Variants in CACNB2 observed in about 807,000 individuals in gnomAD.
CACNB2 encodes calcium voltage-gated channel auxiliary subunit beta 2, also known as voltage-dependent L-type calcium channel subunit beta-2.
Under a neutral mutation model 73.3 loss-of-function variants are expected in CACNB2, and 42 were observed. The ratio of observed to expected loss-of-function variants is 0.57; its 90% confidence interval spans 0.45 to 0.74. The LOEUF is 0.74. Ranked by LOEUF, CACNB2 falls within the 30% of genes least tolerant of loss-of-function variation. CACNB2 has a pLI of 0.00. For missense variants in CACNB2, 940 were observed against 853.0 expected (o/e 1.10, Z -1.27); for synonymous variants, 348 against 310.3 (o/e 1.12, Z -1.28).
intron 9 of CACNB2, among the ~76,000 whole-genome samples, chr10:18,520,502 C>T (rs904370751): frequency 6.6e-6 from 1 of 152,176 alleles, no homozygotes; most frequent in East Asian, 1.9e-4. Context: ...TCCCTTAAAG[C>T]CTGTGCTCAG....
intron 3 of CACNB2, among the ~76,000 whole-genome samples, chr10:18,403,466 G>C (rs1022467880): frequency 6.6e-6 from 1 of 152,096 alleles, no homozygotes; most frequent in Non-Finnish European, 1.5e-5. Context: ...TTCTATTTGC[G>C]GCTAATTTAT....
chr10:18,268,249 A>T (rs945587807), intron 2 of CACNB2, among the ~76,000 whole-genome samples: 1 of 152,234 alleles, frequency 6.6e-6, no homozygotes, highest in Non-Finnish European at 1.5e-5. Flanking sequence ...CTCTTTGCCC[A>T]AGGCTATTCT....
intron 2 of CACNB2, among the ~76,000 whole-genome samples, chr10:18,383,808 C>T (rs534642969): frequency 1.4e-4 from 21 of 152,196 alleles, no homozygotes; most frequent in Admixed American, 4.6e-4. Flanking sequence ...CGGATTCAAG[C>T]GATTCTCCCG....
intron 2 of CACNB2, among the ~76,000 whole-genome samples, chr10:18,274,725 C>A (rs1185321368): frequency 2.0e-5 from 3 of 152,050 alleles, no homozygotes; most frequent in Non-Finnish European, 2.9e-5. Flanking sequence ...ATAGGATTTT[C>A]ATTTCTGAAC....
intron 3 of CACNB2, among the ~76,000 whole-genome samples, chr10:18,495,579 GTGTGTGTGTGTGTA>G (rs975417884): frequency 7.9e-6 from 1 of 126,806 alleles, no homozygotes; most frequent in South Asian, 2.7e-4. Context: ...GTGTGTGTGT[GTGTGTGTGTGTGTA>G]TAAGAGATGA....
At chr10:18,432,060 G>A (rs372209717) in intron 3 of CACNB2, among the ~76,000 whole-genome samples, 2 of 152,156 alleles carry the variant, frequency 1.3e-5, no homozygotes, top group Non-Finnish European at 2.9e-5. Context: ...ACCGCACCCG[G>A]CCCAAGACTA....
At chr10:18,366,498 C>A (rs1456359692) in intron 2 of CACNB2, among the ~76,000 whole-genome samples, 1 of 147,866 alleles carries the variant, frequency 6.8e-6, no homozygotes, top group Non-Finnish European at 1.5e-5. Context: ...CCTGGCCCAG[C>A]ACTTTCTTTG....
chr10:18,433,315 G>A (rs185365076), intron 3 of CACNB2, among the ~76,000 whole-genome samples: 7 of 152,176 alleles, frequency 4.6e-5, no homozygotes, highest in East Asian at 3.9e-4. Context: ...CTGGATCAGC[G>A]ACCACAAAAA....
intron 2 of CACNB2, among the ~76,000 whole-genome samples, chr10:18,392,569 T>A (rs1039494820): frequency 6.6e-6 from 1 of 152,126 alleles, no homozygotes; most frequent in African/African-American, 2.4e-5. Flanking sequence ...AGGGGAAAAC[T>A]GGACAAGAGC....
intron 2 of CACNB2, among the ~76,000 whole-genome samples, chr10:18,315,396 C>A (rs1454677675): frequency 2.0e-5 from 3 of 147,900 alleles, no homozygotes. Context: ...CACTGTAGCT[C>A]ACGCCTGTAA....
intron 7 of CACNB2, 29 bp downstream of exon 7, chr10:18,514,398 C>G (rs143619059): frequency 6.2e-7 from 1 of 1,614,060 alleles, no homozygotes; most frequent in East Asian, 2.2e-5. Flanking sequence ...CTCCCATTGT[C>G]CACCTGCTCA....
intron 2 of CACNB2, among the ~76,000 whole-genome samples, chr10:18,349,368 CTAAGT>C (rs1256198840): frequency 6.6e-6 from 1 of 152,176 alleles, no homozygotes; most frequent in African/African-American, 2.4e-5. Flanking sequence ...CTACAATGAC[CTAAGT>C]TAATAGACCA....
chr10:18,401,109 A>G (rs1340291529), intron 2 of CACNB2: 8 of 1,614,048 alleles, frequency 5.0e-6, no homozygotes, highest in East Asian at 2.2e-5. Flanking sequence ...GTGTAAGCGC[A>G]AGGGCTTTCG....
rs905870687 is a variant in CACNB2 at position 18,496,814 on chromosome 10, CAAAAAAAAAA to C, written c.334-1530_334-1521del. ...GGGCAACAAGAGCGAAACTCCGCCT[CAAAAAAAAAA>C]AAAAAAAAAAGGAAAAAAAGAAAAA... is the stretch of plus-strand genomic sequence containing the variant. On this transcript the variant is annotated intron_variant, in intron 3 of 13. Coordinates refer to ENST00000324631, the MANE Select transcript of CACNB2 (RefSeq NM_201596.3). Among the ~76,000 whole-genome samples the C allele has an allele frequency of 5.8e-4, 26 of 45,182 alleles. 1 individual carries two copies. The East Asian group carries it at 9.7e-3, about 17-fold the overall frequency. The allele number at this position is 45,182 out of a possible 152,430, so 29.6% of individuals were successfully genotyped here.
chr10:18,189,318 T>G (rs2034293937), intron 2 of CACNB2, among the ~76,000 whole-genome samples: 1 of 152,190 alleles, frequency 6.6e-6, no homozygotes, highest in South Asian at 2.1e-4. Context: ...TATCAATTGA[T>G]GAGAAATTCA....
rs56255761 is a variant in CACNB2, at chr10:18,448,479, T to TAAA, written c.333+46456_333+46458dup. On this transcript the variant is annotated intron_variant, in intron 3 of 13. Coordinates refer to ENST00000324631, the MANE Select transcript of CACNB2 (RefSeq NM_201596.3). ...GACAAGAGCAAAACTCTCTCTCATT[T>TAAA]AAAAAAAAAAAAAAAAAAAAAAGAA... Among the ~76,000 whole-genome samples, 806 of 106,974 alleles carry TAAA rather than the reference T, an allele frequency of 7.5e-3. 11 individuals are homozygous for TAAA. The highest frequency in any genetic ancestry group is 0.033 in the East Asian group (119 of 3,560). 70.2% of individuals were successfully genotyped at this position (106,974 alleles called of 152,430 possible).
chr10:18,460,063 C>T (rs901870044), intron 3 of CACNB2, among the ~76,000 whole-genome samples: 1 of 152,148 alleles, frequency 6.6e-6, no homozygotes, highest in African/African-American at 2.4e-5. Flanking sequence ...TCATATCTTA[C>T]ATTATTATTT....
At position 18,514,277 on chromosome 10, in the gene CACNB2, G is replaced by T. The variant is rs2051058711; in HGVS notation, c.712G>T (p.Asp238Tyr). 6.2e-7 allele frequency: 1 copy of T among 1,614,014 alleles called. No homozygotes were observed. The highest frequency in any genetic ancestry group is 8.5e-7 in the Non-Finnish European group (1 of 1,179,972). Residue 238 changes from aspartate (D) to tyrosine (Y), a missense_variant, in exon 7 of 14, where the codon GAT (aspartate) becomes TAT (tyrosine). Physicochemically the swap from Asp to Tyr is radical, Grantham distance 160. Transcript: ENST00000324631. ...TACTGGCTTAGATGCAGAAGAAAAT[G>T]ATATTCCAGCAAACCACCGCTCCCC... ...DATGLDAEENDIPANHRSPKP... is the reference protein window; with the variant it reads ...DATGLDAEENYIPANHRSPKP...
intron 2 of CACNB2, among the ~76,000 whole-genome samples, chr10:18,354,481 G>A (rs1378262907): frequency 2.6e-5 from 4 of 152,194 alleles, no homozygotes; most frequent in African/African-American, 4.8e-5. Flanking sequence ...GACAGTTATG[G>A]TGGGGCCTAG....
Sources: gnomAD v4.1 joint callset for allele counts (sites outside exome capture counted in the v4.1 genomes callset) on GRCh38, gnomAD v4.1.1 for gene constraint, MANE v1.5 for transcripts, NCBI Gene and HGNC (gene_info 2026-07-23, HGNC 2026-07-21) for gene names.